The following PTPRD variants were observed in gnomAD, a reference collection of about 807,000 sequenced individuals.
The protein encoded by PTPRD is protein tyrosine phosphatase receptor type D.
PTPRD carries 34 observed loss-of-function variants against 214.5 expected under a neutral mutation model. The ratio of observed to expected loss-of-function variants is 0.16; its 90% CI spans 0.12 to 0.21. The LOEUF (loss-of-function observed/expected upper bound fraction) is 0.21. PTPRD is among the 10% of genes least tolerant of loss of function. The probability of loss-of-function intolerance (pLI) is 1.00; values close to 1 mark genes in which losing one functional copy is unlikely to be tolerated. For missense variants in PTPRD, 2,545 were observed against 2,398.7 expected, an observed-to-expected ratio of 1.06 and a Z score of -1.27; for synonymous variants, 1,128 against 845.7, an observed-to-expected ratio of 1.33 and a Z score of -5.79.
At chr9:9,768,084 T>C (rs1007751530) in intron 5 of PTPRD, among the ~76,000 whole-genome samples, 6 of 152,204 alleles carry the variant, frequency 3.9e-5, no homozygotes, top group African/African-American at 1.4e-4. Flanking sequence ...TTTATGCTTG[T>C]GGTTTTATAC....
intron 9 of PTPRD, among the ~76,000 whole-genome samples, chr9:9,305,372 T>G (rs907243032): frequency 1.5e-4 from 23 of 152,136 alleles, no homozygotes; most frequent in African/African-American, 5.5e-4. Flanking sequence ...CAAATAAACA[T>G]TTATTTGGGC....
At chr9:10,118,867 A>AAAATAAATAAATAAATAAAT (rs144204787) in intron 3 of PTPRD, among the ~76,000 whole-genome samples, 153 of 143,722 alleles carry the variant, frequency 1.1e-3, no homozygotes, top group South Asian at 3.8e-3. Flanking sequence ...AAATACACCA[A>AAAATAAATAAATAAATAAAT]AAATAAATAA....
intron 5 of PTPRD, among the ~76,000 whole-genome samples, chr9:9,778,943 C>T (rs1414026450): frequency 3.3e-5 from 5 of 151,650 alleles, no homozygotes; most frequent in Admixed American, 1.3e-4. Context: ...CATCACACTA[C>T]CCAACTTCAA....
chr9:9,551,235 C>A (rs1482754215), intron 8 of PTPRD, among the ~76,000 whole-genome samples: 2 of 151,942 alleles, frequency 1.3e-5, no homozygotes, highest in South Asian at 4.1e-4. Flanking sequence ...TAAATTTTAC[C>A]TGAGAAGGAT....
chr9:9,096,564 A>G (rs907922716), intron 10 of PTPRD, among the ~76,000 whole-genome samples: 1 of 152,164 alleles, frequency 6.6e-6, no homozygotes, highest in African/African-American at 2.4e-5. Flanking sequence ...TTCCAGGTGA[A>G]GATATAGATG....
intron 3 of PTPRD, among the ~76,000 whole-genome samples, chr9:10,061,460 A>G (rs2097776398): frequency 6.6e-6 from 1 of 152,060 alleles, no homozygotes; most frequent in Non-Finnish European, 1.5e-5. Context: ...CACATCACAC[A>G]CATCTCATAA....
chr9:8,634,499 A>G (rs2096366020), intron 13 of PTPRD, among the ~76,000 whole-genome samples: 1 of 152,026 alleles, frequency 6.6e-6, no homozygotes, highest in Non-Finnish European at 1.5e-5. Context: ...GGACATTCAT[A>G]TTTTCAAAAT....
intron 10 of PTPRD, among the ~76,000 whole-genome samples, chr9:9,132,355 T>C (rs1287407839): frequency 2.6e-5 from 4 of 152,186 alleles, no homozygotes; most frequent in East Asian, 1.9e-4. Flanking sequence ...TCTTGCATGA[T>C]TTGGGTAAAG....
At chr9:8,606,606 T>C (rs1052089661) in intron 14 of PTPRD, among the ~76,000 whole-genome samples, 1 of 152,220 alleles carries the variant, frequency 6.6e-6, no homozygotes, top group Non-Finnish European at 1.5e-5. Context: ...CAAGCTTTAC[T>C]TCACTACATG....
chr9:9,314,581 C>T (rs1417163685), intron 9 of PTPRD, among the ~76,000 whole-genome samples: 1 of 151,976 alleles, frequency 6.6e-6, no homozygotes, highest in African/African-American at 2.4e-5. Flanking sequence ...TAAAAGGCTT[C>T]CTGTTTTTCC....
intron 7 of PTPRD, among the ~76,000 whole-genome samples, chr9:9,721,840 T>C (rs1352588458): frequency 2.0e-5 from 3 of 152,086 alleles, no homozygotes; most frequent in African/African-American, 7.2e-5. Flanking sequence ...TTTTAGTGCA[T>C]TGAAATGTGG....
chr9:8,958,104 G>C (rs902823331), intron 11 of PTPRD, among the ~76,000 whole-genome samples: 3 of 151,854 alleles, frequency 2.0e-5, no homozygotes, highest in African/African-American at 7.3e-5. Flanking sequence ...AGCACCCTGA[G>C]AGACCAGTCA....
Position 8,331,571 on chromosome 9 carries a change from T to C in PTPRD, c.5534+11A>G, listed in dbSNP as rs186345892. 1.8e-5 allele frequency: 15 copies of C among 851,204 alleles called. No homozygotes were observed. Among genetic ancestry groups the C allele is most frequent in the East Asian group, 6.5e-5 (1 of 15,366 alleles). 52.7% of individuals were successfully genotyped at this position (851,204 alleles called of 1,614,324 possible). ...CACTTATCACTGCTTTATTCACAAA[T>C]GGAAACTTACCTGCAATGGACTGAA... On this transcript the variant is annotated intron_variant, in intron 44 of 45. Coordinates refer to ENST00000381196, the MANE Select transcript of PTPRD (RefSeq NM_002839.4).
At chr9:8,348,740 T>C (rs1261190065) in intron 39 of PTPRD, among the ~76,000 whole-genome samples, 6 of 152,208 alleles carry the variant, frequency 3.9e-5, no homozygotes, top group Non-Finnish European at 8.8e-5. Flanking sequence ...TTCCCACCTC[T>C]GGGCGTTTGT....
At chr9:10,029,148 G>A (rs1321654960) in intron 4 of PTPRD, among the ~76,000 whole-genome samples, 1 of 152,234 alleles carries the variant, frequency 6.6e-6, no homozygotes, top group African/African-American at 2.4e-5. Context: ...AAGAACTGGA[G>A]TTTGGGAACC....
chr9:9,276,535 A>T (rs1487692653), intron 9 of PTPRD, among the ~76,000 whole-genome samples: 1 of 151,246 alleles, frequency 6.6e-6, no homozygotes, highest in African/African-American at 2.4e-5. Flanking sequence ...GCAGTCCAAC[A>T]ACTTGTATCA....
At chr9:9,689,703 C>G (rs749382335) in intron 7 of PTPRD, among the ~76,000 whole-genome samples, 1 of 152,030 alleles carries the variant, frequency 6.6e-6, no homozygotes, top group South Asian at 2.1e-4. Flanking sequence ...TTGAGATTCA[C>G]TTTATAAGTT....
rs180817690 is a variant in PTPRD, at chr9:10,501,278, T to C, written c.-600+111120A>G. Among the ~76,000 whole-genome samples the C allele has an allele frequency of 4.4e-3, 671 of 152,172 alleles. 3 individuals are homozygous for C. The highest frequency in any genetic ancestry group is 6.7e-3 in the Non-Finnish European group (455 of 67,928). Reference sequence around the variant, plus strand: ...TCTCATTGTAGTCTTGATTTGTATTTCTCTGCTGATCAATGATGTTGAGCA... The same window carrying C: ...TCTCATTGTAGTCTTGATTTGTATTCCTCTGCTGATCAATGATGTTGAGCA... On this transcript the variant is annotated intron_variant, in intron 2 of 45. Coordinates refer to ENST00000381196, the MANE Select transcript of PTPRD (RefSeq NM_002839.4).
At chr9:10,310,396 GA>G (rs968431056) in intron 3 of PTPRD, among the ~76,000 whole-genome samples, 2 of 151,366 alleles carry the variant, frequency 1.3e-5, no homozygotes, top group East Asian at 1.9e-4. Context: ...CTTATCAAAA[GA>G]AAAAAAATTC....
Sources: allele counts gnomAD v4.1 joint callset (sites outside exome capture counted in the v4.1 genomes callset), GRCh38; gene constraint gnomAD v4.1.1; transcripts MANE v1.5; gene names NCBI Gene and HGNC (gene_info 2026-07-23, HGNC 2026-07-21).